NALF1: variants seen among roughly 807,000 people sequenced by gnomAD.
NALF1 encodes family with sequence similarity 155 member A.
In NALF1, 3 loss-of-function variants were observed where a neutral mutation model predicts 48.4. The ratio of observed to expected loss-of-function variants is 0.06; its 90% CI spans 0.03 to 0.16. The LOEUF is 0.16. NALF1 is among the 10% of genes least tolerant of loss of function. The pLI is 1.00. For synonymous variants in NALF1, 262 were observed against 245.7 expected (o/e 1.07, Z -0.62); for missense variants, 526 against 571.5 (o/e 0.92, Z 0.81).
chr13:107,602,380 T>A (rs1432680489), intron 1 of NALF1, among the ~76,000 whole-genome samples: 5 of 151,716 alleles, frequency 3.3e-5, no homozygotes, highest in African/African-American at 1.2e-4. Flanking sequence ...TAAAATAACA[T>A]CTGAGATCTC....
chr13:107,675,562 A>G (rs970103200), intron 1 of NALF1, among the ~76,000 whole-genome samples: 3 of 152,090 alleles, frequency 2.0e-5, no homozygotes, highest in African/African-American at 4.8e-5. Context: ...GAAGTCCTCA[A>G]ATAAGTGTTT....
chr13:107,848,237 C>T (rs1880221624), intron 1 of NALF1, among the ~76,000 whole-genome samples: 1 of 152,050 alleles, frequency 6.6e-6, no homozygotes, highest in Non-Finnish European at 1.5e-5. Context: ...CAAATTTGCA[C>T]TAATACTCTT....
chr13:107,367,804 A>C (rs1017884160), intron 1 of NALF1, among the ~76,000 whole-genome samples: 3 of 152,210 alleles, frequency 2.0e-5, no homozygotes, highest in African/African-American at 7.2e-5. Flanking sequence ...AGACAGACTA[A>C]AAATTGCTCA....
At chr13:107,338,936 T>A (rs1287896839) in intron 1 of NALF1, among the ~76,000 whole-genome samples, 1 of 151,834 alleles carries the variant, frequency 6.6e-6, no homozygotes, top group Non-Finnish European at 1.5e-5. Flanking sequence ...GTCGAGTCCA[T>A]CCTGGCTAAC....
At chr13:107,692,698 C>A (rs1387963425) in intron 1 of NALF1, among the ~76,000 whole-genome samples, 3 of 151,976 alleles carry the variant, frequency 2.0e-5, no homozygotes, top group Non-Finnish European at 4.4e-5. Flanking sequence ...TTCTCACAAA[C>A]CTGGAAAAAG....
chr13:107,751,153 A>G (rs1328120378), intron 1 of NALF1, among the ~76,000 whole-genome samples: 6 of 152,236 alleles, frequency 3.9e-5, no homozygotes, highest in Admixed American at 1.3e-4. Context: ...TTTTGTAGGC[A>G]TAGGAGGTTT....
intron 1 of NALF1, among the ~76,000 whole-genome samples, chr13:107,568,122 C>T (rs1399107023): frequency 1.3e-5 from 2 of 152,098 alleles, no homozygotes; most frequent in Non-Finnish European, 2.9e-5. Flanking sequence ...GCACATCACG[C>T]ATGCACCACC....
At chr13:107,812,594 A>T (rs1185096070) in intron 1 of NALF1, among the ~76,000 whole-genome samples, 1 of 152,194 alleles carries the variant, frequency 6.6e-6, no homozygotes, top group East Asian at 1.9e-4. Context: ...CCATAGATTT[A>T]TACAGAACTT....
At chr13:107,591,890 C>T (rs138494431) in intron 1 of NALF1, among the ~76,000 whole-genome samples, 112 of 151,900 alleles carry the variant, frequency 7.4e-4, no homozygotes, top group Non-Finnish European at 1.2e-3. Flanking sequence ...GGATGGAGAC[C>T]GTATGATCCT....
At chr13:107,480,952 A>G (rs973536141) in intron 1 of NALF1, among the ~76,000 whole-genome samples, 1 of 152,180 alleles carries the variant, frequency 6.6e-6, no homozygotes, top group Non-Finnish European at 1.5e-5. Context: ...AATCTTTAAA[A>G]ATATTCCAAA....
At chr13:107,540,330 T>A (rs1876964925) in intron 1 of NALF1, among the ~76,000 whole-genome samples, 1 of 152,134 alleles carries the variant, frequency 6.6e-6, no homozygotes, top group South Asian at 2.1e-4. Context: ...AAAAAATATT[T>A]TTATTTTAAT....
chr13:107,271,417 G>C (rs1881161956), intron 1 of NALF1, among the ~76,000 whole-genome samples: 1 of 152,108 alleles, frequency 6.6e-6, no homozygotes, highest in African/African-American at 2.4e-5. Context: ...CAAACTGAGG[G>C]CAGCCCTCCA....
intron 1 of NALF1, among the ~76,000 whole-genome samples, chr13:107,568,096 G>C (rs1877868518): frequency 6.6e-6 from 1 of 152,144 alleles, no homozygotes; most frequent in Non-Finnish European, 1.5e-5. Context: ...TCCTGCTTCA[G>C]CCTCCGGAGT....
chr13:107,694,379 C>T (rs957770056), intron 1 of NALF1, among the ~76,000 whole-genome samples: 5 of 152,098 alleles, frequency 3.3e-5, no homozygotes, highest in African/African-American at 1.2e-4. Context: ...AGGCAGGCTG[C>T]ATTTGCTTCT....
intron 1 of NALF1, among the ~76,000 whole-genome samples, chr13:107,608,596 G>T (rs567048302): frequency 4.6e-5 from 7 of 152,144 alleles, no homozygotes; most frequent in Non-Finnish European, 8.8e-5. Flanking sequence ...GGGTGGTTGG[G>T]GGAAGCCACA....
chr13:107,495,725 G>A (rs1875312593), intron 1 of NALF1, among the ~76,000 whole-genome samples: 1 of 152,110 alleles, frequency 6.6e-6, no homozygotes, highest in Non-Finnish European at 1.5e-5. Context: ...TAGACAAGAT[G>A]GTTATCATTG....
chr13:107,689,260 G>A (rs1032756787), intron 1 of NALF1, among the ~76,000 whole-genome samples: 2 of 152,098 alleles, frequency 1.3e-5, no homozygotes, highest in African/African-American at 4.8e-5. Flanking sequence ...CTCTTCCAAC[G>A]ACCTTGTCTC....
intron 1 of NALF1, among the ~76,000 whole-genome samples, chr13:107,336,403 T>C (rs1882557617): frequency 6.6e-6 from 1 of 151,752 alleles, no homozygotes; most frequent in Non-Finnish European, 1.5e-5. Flanking sequence ...AAAAATCTAA[T>C]ATCTTCACGA....
chr13:107,584,383 C>T (rs1055478452), intron 1 of NALF1, among the ~76,000 whole-genome samples: 2 of 152,034 alleles, frequency 1.3e-5, no homozygotes, highest in Non-Finnish European at 2.9e-5. Context: ...TTAATGCATG[C>T]CTGTTTAAGA....
Sources: allele counts gnomAD v4.1 joint callset (sites outside exome capture counted in the v4.1 genomes callset), GRCh38; gene constraint gnomAD v4.1.1; transcripts MANE v1.5; gene names NCBI Gene and HGNC (gene_info 2026-07-23, HGNC 2026-07-21).